The following ACBD3 variants were observed in gnomAD, a reference collection of about 807,000 sequenced individuals.
The protein encoded by ACBD3 is Golgi resident protein GCP60.
In ACBD3, 30 loss-of-function variants were observed where a neutral mutation model predicts 66.9. The observed-to-expected ratio is 0.45, with a 90% CI of 0.34 to 0.61. The LOEUF is 0.61. Ranked by LOEUF, ACBD3 falls within the 20% of genes least tolerant of loss-of-function variation. ACBD3 has a pLI of 0.02. For missense variants in ACBD3, 544 were observed against 664.5 expected (o/e 0.82, Z 1.99); for synonymous variants, 278 against 259.8 (o/e 1.07, Z -0.68).
At position 226,165,957 on chromosome 1, in the gene ACBD3, C is replaced by CA; in HGVS notation, c.329dup (p.Leu110PhefsTer8). ...CTTGCTTATGCAGTGCCACAAGCTT[C>CA]AATTTTTCTTCATAAGTTGGATGAA... On this transcript the variant is annotated frameshift_variant, in exon 2 of 8. Transcript: ENST00000366812. LOFTEE classifies it high-confidence loss of function. 1 of 1,611,092 alleles carries CA rather than the reference C, an allele frequency of 6.2e-7. No individual in the cohort carries two copies. The highest frequency in any genetic ancestry group is 8.5e-7 in the Non-Finnish European group (1 of 1,179,294).
At chr1:226,157,952 TA>T (rs1295209922) in intron 5 of ACBD3, among the ~76,000 whole-genome samples, 1 of 152,224 alleles carries the variant, frequency 6.6e-6, no homozygotes, top group African/African-American at 2.4e-5. Context: ...TATGTGCTAT[TA>T]AAAATCATCT....
rs1451660633 is a variant in ACBD3 at position 226,145,389 on chromosome 1, A to G, written c.*1221T>C. 4.6e-5 allele frequency: 7 copies of G among 152,442 alleles called. No individual in the cohort carries two copies. Among genetic ancestry groups the G allele is most frequent in the Non-Finnish European group, 1.0e-4 (7 of 68,024 alleles). 9.4% of individuals were successfully genotyped at this position (152,442 alleles called of 1,614,324 possible). A position where few individuals can be genotyped will look rare whatever the true frequency, so the allele number is the denominator to read the frequency against. On this transcript the variant is annotated 3_prime_UTR_variant, in exon 8 of 8. Transcript: ENST00000366812. ...AACATACAATAACAACATTAAGTGT[A>G]TATTGCCATCTTTGTCATTTTCTAT...
chr1:226,147,629 AAAATCATAGTAG>A (rs1476132749), intron 7 of ACBD3, among the ~76,000 whole-genome samples: 1 of 152,230 alleles, frequency 6.6e-6, no homozygotes, highest in African/African-American at 2.4e-5. Context: ...GTAAAATGAA[AAAATCATAGTAG>A]AGAGATAGGC....
rs564302498 is a variant in ACBD3, at chr1:226,186,035, T to A, written c.286+355A>T. ...AAAAGAAAAGCGTCAGTTAAAAAAATAATAATAATAAAAGGCAATCCCAGA... is the reference window on the plus strand; with the variant it reads ...AAAAGAAAAGCGTCAGTTAAAAAAAAAATAATAATAAAAGGCAATCCCAGA... On this transcript the variant is annotated intron_variant, in intron 1 of 7. Transcript: ENST00000366812. 5.5e-4 allele frequency among the ~76,000 whole-genome samples: 83 copies of A among 152,170 alleles called. No individual in the cohort carries two copies. In the Middle Eastern group the frequency reaches 0.01, roughly 19 times the overall value.
At chr1:226,177,164 G>GTT (rs35506283) in intron 1 of ACBD3, among the ~76,000 whole-genome samples, 9 of 130,448 alleles carry the variant, frequency 6.9e-5, no homozygotes, top group Admixed American at 3.1e-4. Flanking sequence ...CCATGTAGCT[G>GTT]TTTTTTTTTT....
intron 6 of ACBD3, among the ~76,000 whole-genome samples, chr1:226,153,931 G>A (rs1166422045): frequency 6.6e-6 from 1 of 152,140 alleles, no homozygotes; most frequent in Non-Finnish European, 1.5e-5. Context: ...TGCCACTTCT[G>A]CTAGGGGAAG....
chr1:226,169,182 T>C lies in ACBD3; in HGVS notation c.287-3182A>G, dbSNP rs559001699. Among the ~76,000 whole-genome samples, 77 of 152,106 alleles carry C rather than the reference T, an allele frequency of 5.1e-4. 1 individual carries two copies. Among genetic ancestry groups the C allele is most frequent in the African/African-American group, 1.8e-3 (74 of 41,506 alleles). ...CCACCCCCTTCTCGCTTTTAACAAA[T>C]GGCGATAATTTGAAAAATAGCTCCA... On this transcript the variant is annotated intron_variant, in intron 1 of 7. Transcript: ENST00000366812.
intron 7 of ACBD3, 126 bp downstream of exon 7, chr1:226,152,209 T>G: frequency 7.6e-7 from 1 of 1,309,058 alleles, no homozygotes; most frequent in South Asian, 1.4e-5. Context: ...GTCCCACTAA[T>G]GAAGAAAGTG....
chr1:226,146,605 C>T lies in ACBD3; in HGVS notation c.*5G>A. ...CCCTAGACTCCAGACTTTGTAACAA[C>T]ATTTTTATCTAGTATAATAGACTCT... On this transcript the variant is annotated 3_prime_UTR_variant, in exon 8 of 8. Coordinates refer to ENST00000366812, the MANE Select transcript of ACBD3 (RefSeq NM_022735.4). 6.2e-7 allele frequency: 1 copy of T among 1,611,710 alleles called. No individual in the cohort carries two copies. Among genetic ancestry groups the T allele is most frequent in the Non-Finnish European group, 8.5e-7 (1 of 1,178,280 alleles).
At chr1:226,165,493 A>T (rs547984340) in intron 2 of ACBD3, among the ~76,000 whole-genome samples, 14 of 152,206 alleles carry the variant, frequency 9.2e-5, no homozygotes, top group African/African-American at 3.4e-4. Context: ...ATAATATTTG[A>T]GCCTTAATTA....
chr1:226,162,636 T>C (rs959604531), intron 3 of ACBD3, among the ~76,000 whole-genome samples: 2 of 152,042 alleles, frequency 1.3e-5, no homozygotes, highest in African/African-American at 4.8e-5. Flanking sequence ...GCAGACAGGA[T>C]GAAAGGGAAG....
chr1:226,170,682 A>T (rs865775617), intron 1 of ACBD3, among the ~76,000 whole-genome samples: 12 of 152,044 alleles, frequency 7.9e-5, no homozygotes, highest in South Asian at 2.1e-4. Context: ...TATGAAAAAA[A>T]TTTTTTGAAA....
At chr1:226,186,253 G>A in intron 1 of ACBD3, 137 bp downstream of exon 1, 1 of 1,175,334 alleles carries the variant, frequency 8.5e-7, no homozygotes, top group Non-Finnish European at 1.1e-6. Context: ...CCCCCAAGGA[G>A]GGAACCCCGC....
At chr1:226,154,470 C>A in intron 6 of ACBD3, 177 bp downstream of exon 6, 1 of 597,052 alleles carries the variant, frequency 1.7e-6, no homozygotes, top group Non-Finnish European at 2.8e-6. Context: ...ATTTGCTCTT[C>A]TACACTGGTC....
chr1:226,153,884 T>C (rs1399889299), intron 6 of ACBD3, among the ~76,000 whole-genome samples: 1 of 152,094 alleles, frequency 6.6e-6, no homozygotes, highest in Non-Finnish European at 1.5e-5. Flanking sequence ...ACCAACAGAA[T>C]ATGGTGGGAG....
chr1:226,175,412 C>T (rs1576240217), intron 1 of ACBD3, among the ~76,000 whole-genome samples: 3 of 152,132 alleles, frequency 2.0e-5, no homozygotes, highest in Middle Eastern at 3.4e-3. Flanking sequence ...GTTGGGCAGC[C>T]GACTTAACTA....
At chr1:226,180,878 A>G (rs891237580) in intron 1 of ACBD3, among the ~76,000 whole-genome samples, 2 of 152,114 alleles carry the variant, frequency 1.3e-5, no homozygotes, top group African/African-American at 2.4e-5. Context: ...ATGTGCCTGT[A>G]ATCCCAGCTA....
At chr1:226,169,100 T>A (rs1659932753) in intron 1 of ACBD3, among the ~76,000 whole-genome samples, 1 of 152,108 alleles carries the variant, frequency 6.6e-6, no homozygotes, top group African/African-American at 2.4e-5. Context: ...TGACCTCAGG[T>A]GATCCACCCA....
chr1:226,184,805 C>CT lies in ACBD3; in HGVS notation c.286+1584dup, dbSNP rs76440532. ...CTCTGCCTCCCATATTGAAGCGATT[C>CT]TTTTTTTTTTTTTAGACGGAGTTTT... is the stretch of plus-strand genomic sequence containing the variant. On this transcript the variant is annotated intron_variant, in intron 1 of 7. Coordinates refer to ENST00000366812, the MANE Select transcript of ACBD3 (RefSeq NM_022735.4). Among the ~76,000 whole-genome samples, 223 of 142,114 alleles carry CT rather than the reference C, an allele frequency of 1.6e-3. No homozygotes were observed. In the East Asian group the frequency reaches 0.017, roughly 11 times the overall value. 93.2% of individuals were successfully genotyped at this position (142,114 alleles called of 152,430 possible).
Sources: gnomAD v4.1 joint callset for allele counts (sites outside exome capture counted in the v4.1 genomes callset) on GRCh38, gnomAD v4.1.1 for gene constraint, MANE v1.5 for transcripts, NCBI Gene and HGNC (gene_info 2026-07-23, HGNC 2026-07-21) for gene names.